Variants in NCKAP5 observed in about 807,000 individuals in gnomAD.
The protein encoded by NCKAP5 is nck-associated protein 5.
NCKAP5 carries 92 observed loss-of-function variants against 167.0 expected under a neutral mutation model. The observed-to-expected ratio is 0.55, with a 90% CI of 0.47 to 0.66. NCKAP5 has a LOEUF of 0.66. NCKAP5 is among the 30% of genes least tolerant of loss of function. The pLI is 0.00. For synonymous variants in NCKAP5, 891 were observed against 877.4 expected (o/e 1.02, Z -0.27); for missense variants, 2,378 against 2,315.0 (o/e 1.03, Z -0.56).
chr2:132,725,880 C>T (rs1267629897), intron 18 of NCKAP5, 121 bp from the exon 19 acceptor site: 6 of 1,059,336 alleles, frequency 5.7e-6, no homozygotes, highest in Non-Finnish European at 8.1e-6. Context: ...ATTCCATTCC[C>T]ACTGCCCAGC....
chr2:133,660,671 T>A, the NCKAP5 span, among the ~76,000 whole-genome samples: 1 of 151,990 alleles, frequency 6.6e-6, no homozygotes, highest in Non-Finnish European at 1.5e-5. Context: ...CAAAGACGTA[T>A]TAGAACATTC....
At chr2:133,321,932 A>G (rs561787088) in intron 3 of NCKAP5, among the ~76,000 whole-genome samples, 1 of 152,288 alleles carries the variant, frequency 6.6e-6, no homozygotes, top group East Asian at 1.9e-4. Context: ...TGCCTTCTCA[A>G]CCATGCCTTG....
At chr2:133,342,534 C>T (rs1683667242) in intron 3 of NCKAP5, among the ~76,000 whole-genome samples, 1 of 152,178 alleles carries the variant, frequency 6.6e-6, no homozygotes, top group Admixed American at 6.5e-5. Flanking sequence ...GGGCAGTTTG[C>T]ATGGCTGTCC....
At chr2:133,371,752 A>T (rs931653929) in intron 3 of NCKAP5, among the ~76,000 whole-genome samples, 1 of 151,848 alleles carries the variant, frequency 6.6e-6, no homozygotes, top group Non-Finnish European at 1.5e-5. Context: ...TCCCTCCTCA[A>T]TTTTTTTCCT....
At chr2:132,834,665 T>G (rs914558857) in intron 11 of NCKAP5, among the ~76,000 whole-genome samples, 23 of 152,088 alleles carry the variant, frequency 1.5e-4, no homozygotes, top group African/African-American at 4.3e-4. Flanking sequence ...AAATTTTAAA[T>G]TTTTGTAGAG....
intron 7 of NCKAP5, among the ~76,000 whole-genome samples, chr2:132,968,975 G>A (rs1185339650): frequency 1.3e-5 from 2 of 152,196 alleles, no homozygotes; most frequent in Non-Finnish European, 2.9e-5. Context: ...GGCAGGGGAT[G>A]AAGGGCACTG....
At chr2:132,679,133 A>C (rs1228771505) in intron 19 of NCKAP5, among the ~76,000 whole-genome samples, 2 of 152,228 alleles carry the variant, frequency 1.3e-5, no homozygotes, top group Non-Finnish European at 1.5e-5. Flanking sequence ...TTGGAGAACA[A>C]GGTTTCCATC....
chr2:133,196,381 G>A (rs2085437861), intron 5 of NCKAP5, among the ~76,000 whole-genome samples: 2 of 152,170 alleles, frequency 1.3e-5, no homozygotes, highest in Admixed American at 1.3e-4. Context: ...ACCCTCAGGA[G>A]CCAAGGCATA....
At chr2:133,180,529 C>T (rs576444910) in intron 5 of NCKAP5, among the ~76,000 whole-genome samples, 46 of 151,954 alleles carry the variant, frequency 3.0e-4, no homozygotes, top group Middle Eastern at 3.4e-3. Context: ...TGTAGAGACG[C>T]GGTTTCACTA....
At chr2:133,641,461 T>C in the NCKAP5 span, among the ~76,000 whole-genome samples, 1 of 152,234 alleles carries the variant, frequency 6.6e-6, no homozygotes, top group Non-Finnish European at 1.5e-5. Flanking sequence ...CCTAGCTCAC[T>C]GTAGGAAGCC....
intron 5 of NCKAP5, among the ~76,000 whole-genome samples, chr2:133,177,853 G>A (rs137975048): frequency 1.3e-5 from 2 of 152,258 alleles, no homozygotes; most frequent in East Asian, 1.9e-4. Context: ...TGAAGCATCA[G>A]CCCACCCCCA....
At chr2:133,526,205 AAG>A (rs1262910136) in intron 2 of NCKAP5, among the ~76,000 whole-genome samples, 10 of 136,180 alleles carry the variant, frequency 7.3e-5, no homozygotes, top group African/African-American at 2.1e-4. Context: ...GGAAGGAAGG[AAG>A]GAAGGAAGGA....
intron 8 of NCKAP5, among the ~76,000 whole-genome samples, chr2:132,884,176 C>A (rs1478944308): frequency 1.3e-5 from 2 of 152,200 alleles, no homozygotes; most frequent in Admixed American, 1.3e-4. Flanking sequence ...TGGGATCCTG[C>A]CACGTTCTTT....
At chr2:132,954,654 C>T in intron 8 of NCKAP5, 1 of 454,580 alleles carries the variant, frequency 2.2e-6, no homozygotes, top group Non-Finnish European at 4.4e-6. Context: ...AAACAGGCTA[C>T]TTAACTGTAT....
At chr2:133,558,046 T>C (rs1488488747) in intron 2 of NCKAP5, 1 of 152,258 alleles carries the variant, frequency 6.6e-6, no homozygotes, top group East Asian at 1.9e-4. Context: ...CTTGATCCTA[T>C]GTCCTTTAGC....
intron 3 of NCKAP5, among the ~76,000 whole-genome samples, chr2:133,348,506 CA>C (rs1316232358): frequency 6.6e-6 from 1 of 151,634 alleles, no homozygotes; most frequent in Non-Finnish European, 1.5e-5. Context: ...AATAAAGTTA[CA>C]GCCCTACTAT....
At chr2:133,535,840 G>A (rs901942368) in intron 2 of NCKAP5, among the ~76,000 whole-genome samples, 10 of 152,228 alleles carry the variant, frequency 6.6e-5, no homozygotes, top group Middle Eastern at 3.4e-3. Flanking sequence ...ATTCTGACTG[G>A]TGTGAGACAT....
chr2:133,355,616 G>A (rs1181459577), intron 3 of NCKAP5, among the ~76,000 whole-genome samples: 7 of 149,212 alleles, frequency 4.7e-5, no homozygotes, highest in Non-Finnish European at 8.9e-5. Context: ...TTTTCTTTTT[G>A]TATATTTTAG....
chr2:133,486,080 T>G (rs1680879462), intron 3 of NCKAP5, among the ~76,000 whole-genome samples: 1 of 152,180 alleles, frequency 6.6e-6, no homozygotes, highest in Admixed American at 6.5e-5. Flanking sequence ...AAAGGACTGC[T>G]TATGTAAACA....
Sources: gnomAD v4.1 joint callset for allele counts (sites outside exome capture counted in the v4.1 genomes callset) on GRCh38, gnomAD v4.1.1 for gene constraint, MANE v1.5 for transcripts, NCBI Gene and HGNC (gene_info 2026-07-23, HGNC 2026-07-21) for gene names.